CNTLN: variants seen among roughly 807,000 people sequenced by gnomAD.
CNTLN encodes the protein centlein, centrosomal protein.
Under a neutral mutation model 180.0 loss-of-function variants are expected in CNTLN, and 212 were observed. The observed-to-expected ratio is 1.18, with a 90% CI of 1.05 to 1.32. The LOEUF (loss-of-function observed/expected upper bound fraction) is 1.32. CNTLN is among the 40% of genes most tolerant of loss of function. The pLI is 0.00. For missense variants in CNTLN, 2,095 were observed against 1,610.9 expected, an observed-to-expected ratio of 1.30 and a Z score of -5.14; for synonymous variants, 722 against 563.1, an observed-to-expected ratio of 1.28 and a Z score of -3.99.
At chr9:17,248,171 T>G (rs1427801782) in intron 5 of CNTLN, among the ~76,000 whole-genome samples, 1 of 152,170 alleles carries the variant, frequency 6.6e-6, no homozygotes. Flanking sequence ...AATTGATTTT[T>G]TTGATGTTAA....
At chr9:17,339,668 A>G (rs576011661) in intron 10 of CNTLN, among the ~76,000 whole-genome samples, 34 of 152,366 alleles carry the variant, frequency 2.2e-4, no homozygotes, top group Admixed American at 2.2e-3. Context: ...TCATACAGAA[A>G]TATGAATAAC....
At chr9:17,254,158 A>G (rs1355049797) in intron 5 of CNTLN, among the ~76,000 whole-genome samples, 1 of 151,594 alleles carries the variant, frequency 6.6e-6, no homozygotes, top group Non-Finnish European at 1.5e-5. Context: ...GATGTTGACC[A>G]TCTTTTCATA....
intron 2 of CNTLN, among the ~76,000 whole-genome samples, chr9:17,218,620 AC>A (rs1823922857): frequency 6.6e-6 from 1 of 152,144 alleles, no homozygotes; most frequent in Admixed American, 6.5e-5. Context: ...TAAATTGCAA[AC>A]CATTGATATG....
chr9:17,440,797 G>A (rs1830064096), intron 18 of CNTLN, among the ~76,000 whole-genome samples: 1 of 152,104 alleles, frequency 6.6e-6, no homozygotes, highest in Non-Finnish European at 1.5e-5. Context: ...CAATATGGAT[G>A]AACCTTGAAA....
chr9:17,505,114 T>C (rs1002726956), downstream of CNTLN, among the ~76,000 whole-genome samples: 1 of 142,718 alleles, frequency 7.0e-6, no homozygotes, highest in Non-Finnish European at 1.5e-5. Context: ...AGAAAAAGCA[T>C]GTGACAAAAA....
In CNTLN at chr9:17,235,567, C is replaced by A. The variant is rs1360514591; in HGVS notation, c.535-91C>A. The A allele has an allele frequency of 5.6e-5, 58 of 1,030,936 alleles. 2 individuals are homozygous for A. In the South Asian group the frequency reaches 8.4e-4, roughly 15 times the overall value. The allele number at this position is 1,030,936 out of a possible 1,614,324, so 63.9% of individuals were successfully genotyped here. On this transcript the variant is annotated intron_variant, in intron 3 of 25. Transcript: ENST00000380647. ...TATTATGAAAGCTATTTAATCATCA[C>A]ATTAGCAAATCAAAATGTAAAACCT...
chr9:17,494,876 C>CTTTTTTTTTTT, intron 25 of CNTLN: 1 of 272,838 alleles, frequency 3.7e-6, no homozygotes, highest in Non-Finnish European at 6.6e-6. Context: ...CTATACCATA[C>CTTTTTTTTTTT]TTTTTTTTTT....
chr9:17,344,957 A>G (rs1821765633), intron 12 of CNTLN, among the ~76,000 whole-genome samples: 1 of 152,028 alleles, frequency 6.6e-6, no homozygotes, highest in South Asian at 2.1e-4. Flanking sequence ...CCTTTTTCAG[A>G]CTGTCATATG....
At chr9:17,450,624 G>A (rs531924066) in intron 18 of CNTLN, among the ~76,000 whole-genome samples, 1 of 152,258 alleles carries the variant, frequency 6.6e-6, no homozygotes, top group East Asian at 1.9e-4. Context: ...GGTCTCTAAA[G>A]GCTACTGAAG....
At chr9:17,347,833 A>C (rs796661222) in intron 12 of CNTLN, among the ~76,000 whole-genome samples, 4 of 152,070 alleles carry the variant, frequency 2.6e-5, no homozygotes, top group African/African-American at 9.6e-5. Flanking sequence ...ATTTTATTTT[A>C]TTTATATATA....
At chr9:17,222,297 G>C (rs866578021) in intron 2 of CNTLN, among the ~76,000 whole-genome samples, 1 of 151,880 alleles carries the variant, frequency 6.6e-6, no homozygotes, top group South Asian at 2.1e-4. Context: ...TTCTAAAATA[G>C]TTCTTGTCAA....
intron 12 of CNTLN, 148 bp from the exon 13 acceptor site, chr9:17,366,469 C>A (rs560037736): frequency 2.4e-4 from 96 of 394,084 alleles, no homozygotes; most frequent in African/African-American, 1.9e-3. Context: ...TTTATTTTTG[C>A]TTTCATTTTA....
At chr9:17,517,808 G>A in the CNTLN span, among the ~76,000 whole-genome samples, 1 of 152,028 alleles carries the variant, frequency 6.6e-6, no homozygotes, top group African/African-American at 2.4e-5. Context: ...GTGGTCATTG[G>A]TTATGGCAGC....
chr9:17,330,266 A>T (rs947303365), intron 8 of CNTLN, among the ~76,000 whole-genome samples: 1 of 152,034 alleles, frequency 6.6e-6, no homozygotes, highest in African/African-American at 2.4e-5. Flanking sequence ...ATGACTCTTG[A>T]TGACCAGATG....
chr9:17,471,838 A>C (rs1832056229), intron 23 of CNTLN, among the ~76,000 whole-genome samples: 1 of 152,104 alleles, frequency 6.6e-6, no homozygotes, highest in Non-Finnish European at 1.5e-5. Context: ...TGGAAGTAGC[A>C]CCCAGTGTTG....
intron 18 of CNTLN, among the ~76,000 whole-genome samples, chr9:17,454,975 T>A (rs1198664006): frequency 6.6e-6 from 1 of 152,232 alleles, no homozygotes; most frequent in Non-Finnish European, 1.5e-5. Flanking sequence ...TTAAGAGTAA[T>A]CTTAATTTGT....
At chr9:17,350,458 A>G (rs1822269987) in intron 12 of CNTLN, among the ~76,000 whole-genome samples, 1 of 152,214 alleles carries the variant, frequency 6.6e-6, no homozygotes, top group Non-Finnish European at 1.5e-5. Flanking sequence ...CTTAGCAGAG[A>G]AGACAAGCAA....
At chr9:17,175,680 C>A (rs1185051584) in intron 2 of CNTLN, among the ~76,000 whole-genome samples, 2 of 152,034 alleles carry the variant, frequency 1.3e-5, no homozygotes, top group Non-Finnish European at 2.9e-5. Context: ...TTTTAAAAAT[C>A]TTGTTCAGGT....
chr9:17,394,756 G>GAGAC lies in CNTLN; in HGVS notation c.2306_2309dup (p.Glu770AspfsTer14). 1.2e-6 allele frequency: 2 copies of GAGAC among 1,613,994 alleles called. No individual in the cohort carries two copies. The highest frequency in any genetic ancestry group is 1.7e-6 in the Non-Finnish European group (2 of 1,179,972). On this transcript the variant is annotated frameshift_variant, in exon 15 of 26. Transcript: ENST00000380647. LOFTEE classifies it high-confidence loss of function. Reference sequence around the variant, plus strand: ...ACTTCAAGTAAAAATCAGTGAGCTGGAGACAGAAGTCACTTCCCTGAGGAG... The same window carrying GAGAC: ...ACTTCAAGTAAAAATCAGTGAGCTGGAGACAGACAGAAGTCACTTCCCTGAGGAG...
Sources: gnomAD v4.1 joint callset for allele counts (sites outside exome capture counted in the v4.1 genomes callset) on GRCh38, gnomAD v4.1.1 for gene constraint, MANE v1.5 for transcripts, NCBI Gene and HGNC (gene_info 2026-07-23, HGNC 2026-07-21) for gene names.